TNRC6C: variants seen among roughly 807,000 people sequenced by gnomAD.
TNRC6C encodes the protein trinucleotide repeat containing adaptor 6C, also known as trinucleotide repeat-containing gene 6C protein.
A neutral mutation model predicts 153.7 loss-of-function variants in TNRC6C; 20 were observed. The observed-to-expected ratio is 0.13, with a 90% CI of 0.09 to 0.19. The LOEUF is 0.19. Ranked by LOEUF, TNRC6C falls within the 10% of genes least tolerant of loss-of-function variation. The probability of loss-of-function intolerance (pLI) is 1.00; values close to 1 mark genes in which losing one functional copy is unlikely to be tolerated. For missense variants in TNRC6C, 1,987 were observed against 2,172.0 expected (o/e 0.91, Z 1.69); for synonymous variants, 811 against 841.4 (o/e 0.96, Z 0.63).
At chr17:78,041,305 C>G (rs2072289166) in intron 2 of TNRC6C, among the ~76,000 whole-genome samples, 1 of 152,174 alleles carries the variant, frequency 6.6e-6, no homozygotes, top group African/African-American at 2.4e-5. Flanking sequence ...GAGCTGCTTG[C>G]TAAAGATCTG....
chr17:78,086,453 C>T (rs777442376), intron 11 of TNRC6C, 50 bp from the exon 14 acceptor site: 3 of 1,504,060 alleles, frequency 2.0e-6, no homozygotes, highest in African/African-American at 1.4e-5. Context: ...ACCATTAGTT[C>T]AACTTACACT....
At chr17:78,058,770 C>A (rs2072708050) in intron 3 of TNRC6C, among the ~76,000 whole-genome samples, 1 of 152,224 alleles carries the variant, frequency 6.6e-6, no homozygotes, top group Admixed American at 6.5e-5. Flanking sequence ...AGCAGGGATT[C>A]CAGCTGTGCT....
chr17:77,966,972 T>C (rs1225173825), intron 1 of TNRC6C, among the ~76,000 whole-genome samples: 1 of 152,234 alleles, frequency 6.6e-6, no homozygotes, highest in African/African-American at 2.4e-5. Context: ...TTGAAGTTAC[T>C]AGAATTTTTA....
chr17:78,076,336 G>C (rs138814218), intron 8 of TNRC6C, among the ~76,000 whole-genome samples: 1 of 152,224 alleles, frequency 6.6e-6, no homozygotes, highest in African/African-American at 2.4e-5. Context: ...CTGCAGCTGT[G>C]GGGTAGCCCA....
chr17:78,037,957 G>A (rs935747515), intron 2 of TNRC6C, among the ~76,000 whole-genome samples: 3 of 152,120 alleles, frequency 2.0e-5, no homozygotes, highest in African/African-American at 4.8e-5. Context: ...CACAGATCCA[G>A]GAACTATGAT....
At chr17:78,038,651 C>T (rs2072229526) in intron 2 of TNRC6C, among the ~76,000 whole-genome samples, 1 of 148,910 alleles carries the variant, frequency 6.7e-6, no homozygotes, top group African/African-American at 2.5e-5. Context: ...TGCACTCCAG[C>T]CTGGGCGACA....
intron 10 of TNRC6C, among the ~76,000 whole-genome samples, chr17:78,081,018 A>G (rs528530894): frequency 6.6e-6 from 1 of 152,348 alleles, no homozygotes; most frequent in Admixed American, 6.5e-5. Context: ...TTACAACAGC[A>G]TGAATGTATT....
intron 3 of TNRC6C, among the ~76,000 whole-genome samples, chr17:78,054,931 A>G (rs904393767): frequency 3.3e-5 from 5 of 151,944 alleles, no homozygotes; most frequent in African/African-American, 9.7e-5. Context: ...ACCATACACC[A>G]CTGCGGACTA....
chr17:78,008,802 A>G (rs1029069613), intron 1 of TNRC6C: 2 of 152,092 alleles, frequency 1.3e-5, no homozygotes, highest in African/African-American at 4.8e-5. Context: ...ATTAAAGTTC[A>G]CTCGAAATTC....
Position 78,079,414 on chromosome 17 carries a change from G to A in TNRC6C, c.3230G>A (p.Gly1077Asp). 1 of 1,613,840 alleles carries A rather than the reference G, an allele frequency of 6.2e-7. No homozygotes were observed. The highest frequency in any genetic ancestry group is 1.7e-5 in the Admixed American group (1 of 60,004). ...GTGCAGATACCGAGTGGCAATCTGG[G>A]TATGTTTGGCAATAGTGGAGCAGCA... is the stretch of plus-strand genomic sequence containing the variant. The change falls in exon 10 of 20, where the codon GGT (glycine) becomes GAT (aspartate). Residue 1077 changes from glycine to aspartate, a missense_variant. Physicochemically the swap from Gly to Asp is moderately conservative, Grantham distance 94. Transcript: ENST00000301624. This position sits in a 1 kb window ranked among gnomAD's most constrained non-coding sequence, Gnocchi z 4.3.
At chr17:78,035,145 A>G (rs2143772264) in intron 2 of TNRC6C, among the ~76,000 whole-genome samples, 1 of 152,264 alleles carries the variant, frequency 6.6e-6, no homozygotes, top group Non-Finnish European at 1.5e-5. Flanking sequence ...CTCAGACACC[A>G]TTCCAATGAC....
intron 2 of TNRC6C, among the ~76,000 whole-genome samples, chr17:78,042,299 T>G (rs1336796509): frequency 6.6e-6 from 1 of 152,160 alleles, no homozygotes; most frequent in Non-Finnish European, 1.5e-5. Context: ...TAGAATGTTG[T>G]GGTGGGAAGA....
In TNRC6C at chr17:78,061,326, G is replaced by A. The variant is rs147200952; in HGVS notation, c.2396-3396G>A. Among the ~76,000 whole-genome samples the A allele has an allele frequency of 1.7e-3, 264 of 152,276 alleles. 1 individual carries two copies. Among genetic ancestry groups the A allele is most frequent in the African/African-American group, 5.8e-3 (242 of 41,558 alleles). On this transcript the variant is annotated intron_variant, in intron 3 of 19. Coordinates refer to ENST00000301624, the Ensembl canonical transcript of TNRC6C. ...TCACTCTGATGATAAACACTTAACAGTGGAGATTATTTTAATTCTATGTAC... is the reference window on the plus strand; with the variant it reads ...TCACTCTGATGATAAACACTTAACAATGGAGATTATTTTAATTCTATGTAC...
intron 1 of TNRC6C, among the ~76,000 whole-genome samples, chr17:78,016,965 A>G (rs1380090275): frequency 6.6e-6 from 1 of 152,152 alleles, no homozygotes; most frequent in Non-Finnish European, 1.5e-5. Flanking sequence ...CCCAGCAAAG[A>G]AGTGGCAGAG....
Position 77,966,161 on chromosome 17 carries a change from G to A in TNRC6C, c.-38+6893G>A, listed in dbSNP as rs550340764. Among the ~76,000 whole-genome samples, 10 of 152,292 alleles carry A rather than the reference G, an allele frequency of 6.6e-5. No homozygotes were observed. In the South Asian group the frequency reaches 1.9e-3, roughly 28 times the overall value. ...ATAATGGCTGAGACATAGTAGGGAC[G>A]GGATATAGTTATTGACTGGATGAGT... On this transcript the variant is annotated intron_variant, in intron 1 of 22. Transcript: ENST00000636222.
chr17:78,002,650 T>C (rs573871042), upstream of TNRC6C, among the ~76,000 whole-genome samples: 3 of 152,324 alleles, frequency 2.0e-5, no homozygotes, highest in East Asian at 3.9e-4. Context: ...CCCAGCACTT[T>C]GGGAGGCTGA....
At chr17:78,062,738 T>C (rs1275590234) in intron 3 of TNRC6C, among the ~76,000 whole-genome samples, 1 of 152,200 alleles carries the variant, frequency 6.6e-6, no homozygotes, top group African/African-American at 2.4e-5. Context: ...ATCCTTCTTA[T>C]TGCCTGGTTT....
chr17:78,019,620 C>A (rs1304155105), intron 1 of TNRC6C, among the ~76,000 whole-genome samples: 1 of 152,186 alleles, frequency 6.6e-6, no homozygotes, highest in Non-Finnish European at 1.5e-5. Context: ...CAAAGAGTAA[C>A]CAAAATTTCC....
At chr17:78,031,703 G>A in exon 2 of TNRC6C, 1 of 1,232,358 alleles carries the variant, frequency 8.1e-7, no homozygotes, top group East Asian at 3.2e-5. Context: ...AACAGAAGCA[G>A]CTATTAAAGA....
Sources: allele counts gnomAD v4.1 joint callset (sites outside exome capture counted in the v4.1 genomes callset), GRCh38; gene constraint gnomAD v4.1.1; non-coding constraint Gnocchi (gnomAD v3.1); transcripts MANE v1.5; gene names NCBI Gene and HGNC (gene_info 2026-07-23, HGNC 2026-07-21).